MALRD1: variants seen among roughly 807,000 people sequenced by gnomAD.
The protein encoded by MALRD1 is MAM and LDL receptor class A domain containing 1.
A neutral mutation model predicts 242.1 loss-of-function variants in MALRD1; 247 were observed. That is an observed-to-expected ratio of 1.02 (90% CI 0.92 to 1.13). MALRD1 has a LOEUF of 1.13. Ranked by LOEUF, MALRD1 falls within the 50% of genes most tolerant of loss-of-function variation. The pLI, the probability that MALRD1 is intolerant of heterozygous loss-of-function variation, is 0.00. For synonymous variants in MALRD1, 995 were observed against 866.6 expected (o/e 1.15, Z -2.60); for missense variants, 2,989 against 2,533.1 (o/e 1.18, Z -3.86).
intron 13 of MALRD1, among the ~76,000 whole-genome samples, chr10:19,168,243 G>T (rs12263752): frequency 0.011 from 1,623 of 152,280 alleles, 36 homozygotes; most frequent in African/African-American, 0.037. Context: ...GGAAGCATTT[G>T]ACACAAAGGC....
intron 21 of MALRD1, among the ~76,000 whole-genome samples, chr10:19,306,412 TATA>T: frequency 9.9e-6 from 1 of 101,116 alleles, no homozygotes; most frequent in East Asian, 3.1e-4. Context: ...ATGTACCGTG[TATA>T]GTATATATAG....
intron 4 of MALRD1, among the ~76,000 whole-genome samples, chr10:19,103,682 A>C (rs899249837): frequency 2.0e-5 from 3 of 152,236 alleles, no homozygotes; most frequent in African/African-American, 7.2e-5. Context: ...CAGTGTGAAC[A>C]CATAGGAACT....
intron 28 of MALRD1, among the ~76,000 whole-genome samples, chr10:19,436,425 T>C (rs2130965023): frequency 6.6e-6 from 1 of 152,338 alleles, no homozygotes; most frequent in East Asian, 1.9e-4. Flanking sequence ...ACTGTAATCT[T>C]TCACTCCAAC....
intron 29 of MALRD1, among the ~76,000 whole-genome samples, chr10:19,469,761 T>C (rs7918891): frequency 0.048 from 7,228 of 152,078 alleles, 576 homozygotes; most frequent in African/African-American, 0.16. Flanking sequence ...TAATCAAAAA[T>C]TGTTATTCGC....
chr10:19,520,635 A>G (rs1195920505), intron 31 of MALRD1, among the ~76,000 whole-genome samples: 1 of 152,208 alleles, frequency 6.6e-6, no homozygotes, highest in African/African-American at 2.4e-5. Flanking sequence ...TGTTAACCAC[A>G]ATTAGAATAA....
intron 34 of MALRD1, among the ~76,000 whole-genome samples, chr10:19,601,850 T>C (rs968438775): frequency 6.6e-5 from 10 of 152,122 alleles, no homozygotes; most frequent in Admixed American, 6.6e-5. Flanking sequence ...CATATTTGTA[T>C]AAAAATGTTA....
chr10:19,519,226 A>G (rs1040632335), intron 31 of MALRD1, among the ~76,000 whole-genome samples: 2 of 151,982 alleles, frequency 1.3e-5, no homozygotes, highest in African/African-American at 4.8e-5. Context: ...GCATAATAGC[A>G]TTTATTTACA....
chr10:19,368,081 T>TA (rs1845183221), intron 26 of MALRD1, among the ~76,000 whole-genome samples: 2 of 152,130 alleles, frequency 1.3e-5, no homozygotes, highest in African/African-American at 4.8e-5. Context: ...TTGATTGTTT[T>TA]CTTTGCTATG....
intron 31 of MALRD1, among the ~76,000 whole-genome samples, chr10:19,509,941 C>CGG (rs76973869): frequency 0.097 from 14,702 of 152,096 alleles, 735 homozygotes; most frequent in South Asian, 0.11. Context: ...GCTCAGCATA[C>CGG]AGAGGATCCG....
chr10:19,066,372 A>G (rs373303705), intron 1 of MALRD1, among the ~76,000 whole-genome samples: 1 of 152,276 alleles, frequency 6.6e-6, no homozygotes. Flanking sequence ...ACAGGACAGG[A>G]TGTTATTGTT....
rs1588694716 is a variant in MALRD1, at chr10:19,204,877, CT to C, written c.2211-19del. 2 of 1,517,644 alleles carry C rather than the reference CT, an allele frequency of 1.3e-6. No individual in the cohort carries two copies. Among genetic ancestry groups the C allele is most frequent in the East Asian group, 4.9e-5 (2 of 40,514 alleles). The allele number at this position is 1,517,644 out of a possible 1,614,324, so 94.0% of individuals were successfully genotyped here. On this transcript the variant is annotated intron_variant, in intron 16 of 39. Coordinates refer to ENST00000454679, the MANE Select transcript of MALRD1 (RefSeq NM_001142308.3). Reference sequence around the variant, plus strand: ...TCTATTCTATAAATCACTTCCATTTCTTACGTTTACTCTTTTTTAGGTTCTA... The same window carrying C: ...TCTATTCTATAAATCACTTCCATTTCTACGTTTACTCTTTTTTAGGTTCTA...
chr10:19,581,375 C>G (rs1242718270), intron 33 of MALRD1, among the ~76,000 whole-genome samples: 7 of 126,472 alleles, frequency 5.5e-5, no homozygotes, highest in Admixed American at 8.5e-5. Flanking sequence ...CCCCCTCCCC[C>G]CACCCCACAA....
intron 17 of MALRD1, among the ~76,000 whole-genome samples, chr10:19,208,070 A>G (rs1326610404): frequency 7.7e-6 from 1 of 130,340 alleles, no homozygotes; most frequent in Admixed American, 8.6e-5. Flanking sequence ...TATTTCAGGA[A>G]TTCTCCATTT....
At chr10:19,086,565 C>G (rs1835676233) in intron 2 of MALRD1, among the ~76,000 whole-genome samples, 1 of 152,082 alleles carries the variant, frequency 6.6e-6, no homozygotes, top group African/African-American at 2.4e-5. Context: ...TTGAAAGCAT[C>G]TGGGCTCAGA....
intron 18 of MALRD1, among the ~76,000 whole-genome samples, chr10:19,248,407 A>T (rs1488773388): frequency 6.6e-6 from 1 of 151,548 alleles, no homozygotes; most frequent in East Asian, 1.9e-4. Context: ...AAAAAAATAA[A>T]GTGTGACACA....
At chr10:19,094,942 A>T (rs1012984930) in intron 4 of MALRD1, among the ~76,000 whole-genome samples, 2 of 152,220 alleles carry the variant, frequency 1.3e-5, no homozygotes, top group Non-Finnish European at 2.9e-5. Flanking sequence ...CATTTGGGAC[A>T]ATCAAACAAA....
At chr10:19,257,302 G>A (rs762104473) in intron 18 of MALRD1, among the ~76,000 whole-genome samples, 10 of 152,116 alleles carry the variant, frequency 6.6e-5, no homozygotes, top group Admixed American at 1.3e-4. Flanking sequence ...GGAAACAGAT[G>A]ACCCAGGAGG....
At chr10:19,435,291 T>C (rs1010165031) in intron 28 of MALRD1, among the ~76,000 whole-genome samples, 1 of 152,056 alleles carries the variant, frequency 6.6e-6, no homozygotes, top group Admixed American at 6.6e-5. Context: ...TCACACTCAT[T>C]TTCCCCTGTT....
Position 19,588,240 on chromosome 10 carries a change from A to G in MALRD1, c.5681-6954A>G, listed in dbSNP as rs138655677. ...TTCCATGGAAATAGTCAATGAAAGCATTCTTCAGTTCGTCCATTTTGATTA... is the reference window on the plus strand; with the variant it reads ...TTCCATGGAAATAGTCAATGAAAGCGTTCTTCAGTTCGTCCATTTTGATTA... On this transcript the variant is annotated intron_variant, in intron 33 of 39. Coordinates refer to ENST00000454679, the MANE Select transcript of MALRD1 (RefSeq NM_001142308.3). Among the ~76,000 whole-genome samples the G allele has an allele frequency of 2.6e-3, 397 of 152,320 alleles. 7 individuals carry two copies. The East Asian group carries it at 0.059, about 23-fold the overall frequency.
Sources: allele counts gnomAD v4.1 joint callset (sites outside exome capture counted in the v4.1 genomes callset), GRCh38; gene constraint gnomAD v4.1.1; transcripts MANE v1.5; gene names NCBI Gene and HGNC (gene_info 2026-07-23, HGNC 2026-07-21).